SALL3: variants seen among roughly 807,000 people sequenced by gnomAD.
The protein encoded by SALL3 is sal-like protein 3.
A neutral mutation model predicts 66.2 loss-of-function variants in SALL3; 25 were observed. That is an observed-to-expected ratio of 0.38 (90% CI 0.28 to 0.53). SALL3 has a LOEUF of 0.53. SALL3 is among the 20% of genes least tolerant of loss of function. The pLI is 0.85. For missense variants in SALL3, 2,194 were observed against 1,916.5 expected (o/e 1.14, Z -2.70); for synonymous variants, 1,152 against 899.1 (o/e 1.28, Z -5.03).
At chr18:78,985,968 G>A (rs992220403) in intron 1 of SALL3, among the ~76,000 whole-genome samples, 1 of 152,200 alleles carries the variant, frequency 6.6e-6, no homozygotes, top group Non-Finnish European at 1.5e-5. Flanking sequence ...TGCATCAGCT[G>A]ACATATTTCA....
In SALL3 at chr18:78,980,159, C is replaced by A; in HGVS notation, c.-116C>A. On this transcript the variant is annotated 5_prime_UTR_variant, in exon 1 of 3. Coordinates refer to ENST00000537592, the MANE Select transcript of SALL3 (RefSeq NM_171999.4). ...TGCTCAGCCCCATGCGCGGCCCGCG[C>A]AGCCGCCGCCGCCCCGCGCCCCGCG... The A allele has an allele frequency of 5.1e-6, 1 of 196,784 alleles. No individual in the cohort carries two copies. The highest frequency in any genetic ancestry group is 8.9e-6 in the Non-Finnish European group (1 of 112,306). 12.2% of individuals were successfully genotyped at this position (196,784 alleles called of 1,614,324 possible). A position where few individuals can be genotyped will look rare whatever the true frequency, so the allele number is the denominator to read the frequency against.
In SALL3 at chr18:78,992,550, G is replaced by A. The variant is rs756237182; in HGVS notation, c.559G>A (p.Ala187Thr). 4.7e-6 allele frequency: 7 copies of A among 1,497,886 alleles called. No individual in the cohort carries two copies. Among genetic ancestry groups the A allele is most frequent in the East Asian group, 5.5e-5 (2 of 36,130 alleles). The allele number at this position is 1,497,886 out of a possible 1,614,324, so 92.8% of individuals were successfully genotyped here. A position where few individuals can be genotyped will look rare whatever the true frequency, so the allele number is the denominator to read the frequency against. Reference protein sequence around the residue: ...AVAQFSQGARAAGGSGAGGGV... With the variant: ...AVAQFSQGARTAGGSGAGGGV... Reference sequence around the variant, plus strand: ...GGCGCAGTTCTCGCAGGGCGCGCGCGCGGCAGGCGGCTCGGGAGCAGGTGG... The same window carrying A: ...GGCGCAGTTCTCGCAGGGCGCGCGCACGGCAGGCGGCTCGGGAGCAGGTGG... Residue 187 changes from alanine (A) to threonine (T), a missense_variant, in exon 2 of 3, where the codon GCG becomes ACG. Coordinates refer to ENST00000537592, the MANE Select transcript of SALL3 (RefSeq NM_171999.4).
At chr18:78,991,320 C>G (rs535863249) in intron 1 of SALL3, among the ~76,000 whole-genome samples, 1 of 128,660 alleles carries the variant, frequency 7.8e-6, no homozygotes, top group South Asian at 2.4e-4. Flanking sequence ...TAGGCCTAGA[C>G]TGTATTGATT....
intron 1 of SALL3, among the ~76,000 whole-genome samples, chr18:78,984,143 G>C (rs977987189): frequency 9.2e-5 from 14 of 152,170 alleles, no homozygotes; most frequent in Admixed American, 2.6e-4. Flanking sequence ...CAAGATGATG[G>C]TAAAAGTGGG....
intron 1 of SALL3, among the ~76,000 whole-genome samples, chr18:78,987,036 C>A: frequency 6.6e-6 from 1 of 151,530 alleles, no homozygotes. Flanking sequence ...TAATATTATT[C>A]TAAGTAAACT....
Position 78,993,119 on chromosome 18 carries a change from G to C in SALL3, c.1128G>C (p.Pro376=). ...CCAGCGGCGTCATCTTCCCCAACCC[G>C]CTGGTCAGCATCGCGGCCACGGCCA... The part of the protein sequence containing the change: ...TSASGVIFPN[P]LVSIAATANA... Residue 376 remains proline (P), a synonymous_variant, in exon 2 of 3, where the codon CCG becomes CCC. Coordinates refer to ENST00000537592, the MANE Select transcript of SALL3 (RefSeq NM_171999.4). 3 of 1,604,598 alleles carry C rather than the reference G, an allele frequency of 1.9e-6. No homozygotes were observed. Among genetic ancestry groups the C allele is most frequent in the Non-Finnish European group, 1.7e-6 (2 of 1,177,526 alleles).
chr18:78,981,018 G>A (rs1438054303), intron 1 of SALL3, among the ~76,000 whole-genome samples: 1 of 152,214 alleles, frequency 6.6e-6, no homozygotes, highest in Admixed American at 6.5e-5. Context: ...CGGGGCGTTC[G>A]TTGCAGCGTC....
rs1913953597 is a variant in SALL3 at position 78,980,152 on chromosome 18, G to GCCCGCGCAGCCGCCGCCGC, written c.-115_-97dup. The GCCCGCGCAGCCGCCGCCGC allele has an allele frequency of 5.7e-6, 1 of 176,544 alleles. No individual in the cohort carries two copies. The allele number at this position is 176,544 out of a possible 1,614,324, so 10.9% of individuals were successfully genotyped here. On this transcript the variant is annotated 5_prime_UTR_variant, in exon 1 of 3. The change abolishes the stop of an existing upstream ORF in the 5' untranslated region. Transcript: ENST00000537592. ...GCCTAATTGCTCAGCCCCATGCGCG[G>GCCCGCGCAGCCGCCGCCGC]CCCGCGCAGCCGCCGCCGCCCCGCG...
At chr18:78,995,696 A>C (rs1340488571) in intron 2 of SALL3, among the ~76,000 whole-genome samples, 1 of 15,088 alleles carries the variant, frequency 6.6e-5, no homozygotes, top group Non-Finnish European at 1.3e-4. Flanking sequence ...GCAGGTGTGT[A>C]TGGGTCGTGT....
Position 78,998,064 on chromosome 18 carries a change from A to G in SALL3, c.*742A>G, listed in dbSNP as rs962467301. The G allele has an allele frequency of 6.8e-6, 1 of 146,168 alleles. No homozygotes were observed. The highest frequency in any genetic ancestry group is 2.6e-5 in the African/African-American group (1 of 39,136). 9.1% of individuals were successfully genotyped at this position (146,168 alleles called of 1,614,324 possible). ...AAATGTTTGTAGCTGCTATGTGGAC[A>G]GTTGTTTTCTAGTGTGGTCTGTAGC... On this transcript the variant is annotated 3_prime_UTR_variant, in exon 3 of 3. Transcript: ENST00000537592.
chr18:78,994,742 C>T lies in SALL3; in HGVS notation c.2751C>T (p.Ser917=), dbSNP rs747349759. Reference sequence around the variant, plus strand: ...CCAGCAATGGTGAGAGCTTCCGCTCCAAGTCCCCGGGCCTGGGCGCCCCGG... The same window carrying T: ...CCAGCAATGGTGAGAGCTTCCGCTCTAAGTCCCCGGGCCTGGGCGCCCCGG... ...PAPSNGESFR[S]KSPGLGAPEE... The change falls in exon 2 of 3, where the codon TCC becomes TCT. Residue 917 remains serine, a synonymous_variant. Coordinates refer to ENST00000537592, the MANE Select transcript of SALL3 (RefSeq NM_171999.4). 4 of 1,602,782 alleles carry T rather than the reference C, an allele frequency of 2.5e-6. No individual in the cohort carries two copies. The highest frequency in any genetic ancestry group is 3.4e-6 in the Non-Finnish European group (4 of 1,179,002).
At chr18:78,995,600 GTGTGTGCGTGA>G (rs1251905747) in intron 2 of SALL3, 138 bp downstream of exon 2, 9 of 1,353,514 alleles carry the variant, frequency 6.6e-6, no homozygotes, top group East Asian at 2.5e-5. Context: ...GCCTGTGGGT[GTGTGTGCGTGA>G]TGTGTGCGTG....
chr18:78,980,898 C>A (rs1293386892), intron 1 of SALL3, among the ~76,000 whole-genome samples: 1 of 152,164 alleles, frequency 6.6e-6, no homozygotes, highest in East Asian at 1.9e-4. Flanking sequence ...CCTCGCGAGG[C>A]GAGGAGAAGG....
chr18:78,995,992 G>A (rs1373614779), intron 2 of SALL3, among the ~76,000 whole-genome samples: 2 of 152,164 alleles, frequency 1.3e-5, no homozygotes, highest in Non-Finnish European at 2.9e-5. Flanking sequence ...TCCAGGGCCT[G>A]AAGCCCTCTT....
rs761462426 is a variant in SALL3, at chr18:78,992,279, G to C, written c.288G>C (p.Glu96Asp). 32 of 1,533,672 alleles carry C rather than the reference G, an allele frequency of 2.1e-5. No homozygotes were observed. The highest frequency in any genetic ancestry group is 2.7e-5 in the Non-Finnish European group (31 of 1,149,450). ...APAPPPEDFP[E>D]PSPASSPSER... ...CGCCGCCCCCCGAGGACTTCCCCGA[G>C]CCTTCGCCCGCCAGCTCCCCCAGCG... The change falls in exon 2 of 3, where the codon GAG (glutamate) becomes GAC (aspartate). Residue 96 changes from glutamate (E) to aspartate (D), a missense_variant. Physicochemically the swap from Glu to Asp is conservative, Grantham distance 45 (BLOSUM62 2). Transcript: ENST00000537592.
At chr18:78,980,935 C>T (rs1914037824) in intron 1 of SALL3, among the ~76,000 whole-genome samples, 1 of 152,222 alleles carries the variant, frequency 6.6e-6, no homozygotes, top group Non-Finnish European at 1.5e-5. Flanking sequence ...GCCTAATGGC[C>T]GCCCGGGGAA....
intron 2 of SALL3, among the ~76,000 whole-genome samples, chr18:78,995,927 C>T (rs1288871630): frequency 6.6e-6 from 1 of 152,146 alleles, no homozygotes; most frequent in Admixed American, 6.5e-5. Flanking sequence ...TGCCTTCAGC[C>T]AGGTTAGGCA....
Position 78,993,038 on chromosome 18 carries a change from G to T in SALL3, c.1047G>T (p.Gly349=), listed in dbSNP as rs1259069095. 6.3e-7 allele frequency: 1 copy of T among 1,576,218 alleles called. No individual in the cohort carries two copies. Among genetic ancestry groups the T allele is most frequent in the Middle Eastern group, 2.2e-4 (1 of 4,506 alleles). ...SASTPPALAP[G]SLLGAAPGLP... is the part of the protein sequence containing the mutation. The stretch of plus-strand genomic sequence containing the variant: ...CCACGCCGCCTGCCCTGGCCCCGGG[G>T]TCCCTGCTGGGTGCGGCGCCCGGCC... The change falls in exon 2 of 3, where the codon GGG becomes GGT. Residue 349 remains glycine (G), a synonymous_variant. Coordinates refer to ENST00000537592, the MANE Select transcript of SALL3 (RefSeq NM_171999.4).
Position 78,992,106 on chromosome 18 carries a change from A to T in SALL3, c.115A>T (p.Ser39Cys). Residue 39 changes from serine to cysteine, a missense_variant, in exon 2 of 3, where the codon AGC (serine) becomes TGC (cysteine). Ser to Cys is a moderately radical substitution (Grantham distance 112). Transcript: ENST00000537592. ...APGEGAEDAD[S>C]GPESRSGGEE... Reference sequence around the variant, plus strand: ...GGGGGAAGGTGCGGAGGACGCAGACAGCGGGCCCGAGAGCCGCAGCGGGGG... The same window carrying T: ...GGGGGAAGGTGCGGAGGACGCAGACTGCGGGCCCGAGAGCCGCAGCGGGGG... 2.5e-6 allele frequency: 4 copies of T among 1,581,826 alleles called. No homozygotes were observed. The highest frequency in any genetic ancestry group is 3.4e-6 in the Non-Finnish European group (4 of 1,164,474).
Sources: gnomAD v4.1 joint callset for allele counts (sites outside exome capture counted in the v4.1 genomes callset) on GRCh38, gnomAD v4.1.1 for gene constraint, MANE v1.5 for transcripts, NCBI Gene and HGNC (gene_info 2026-07-23, HGNC 2026-07-21) for gene names.